PCBP3: variants seen among roughly 807,000 people sequenced by gnomAD.
PCBP3 encodes the protein poly(rC)-binding protein 3.
A neutral mutation model predicts 52.7 loss-of-function variants in PCBP3; 25 were observed. The observed-to-expected ratio is 0.47, with a 90% CI of 0.35 to 0.66. The LOEUF (loss-of-function observed/expected upper bound fraction) is 0.66. PCBP3 is among the 30% of genes least tolerant of loss of function. PCBP3 has a pLI of 0.01. For missense variants in PCBP3, 391 were observed against 490.3 expected, an observed-to-expected ratio of 0.80 and a Z score of 1.91; for synonymous variants, 162 against 183.0, an observed-to-expected ratio of 0.89 and a Z score of 0.93.
At chr21:45,861,230 A>G (rs2094499658) in intron 5 of PCBP3, among the ~76,000 whole-genome samples, 2 of 152,174 alleles carry the variant, frequency 1.3e-5, no homozygotes, top group African/African-American at 4.8e-5. Flanking sequence ...GCAGGTGAGA[A>G]GGCCACTTAC....
At position 45,928,944 on chromosome 21, in the gene PCBP3, G is replaced by T. The variant is rs891053981; in HGVS notation, c.718-973G>T. Among the ~76,000 whole-genome samples the T allele has an allele frequency of 3.3e-5, 5 of 152,284 alleles. No individual in the cohort carries two copies. In the South Asian group the frequency reaches 1.0e-3, roughly 32 times the overall value. On this transcript the variant is annotated intron_variant, in intron 13 of 17. Transcript: ENST00000681687. The surrounding 1 kb of genome is among the most constrained non-coding windows in gnomAD (Gnocchi z 4.1). Reference sequence around the variant, plus strand: ...CCTGAGCCCCAGGACACCCTCTGCAGCACCCAGCCTTGACAGCCCCACTGG... The same window carrying T: ...CCTGAGCCCCAGGACACCCTCTGCATCACCCAGCCTTGACAGCCCCACTGG...
chr21:45,645,855 G>T (rs2079215221), intron 1 of PCBP3, among the ~76,000 whole-genome samples: 1 of 152,204 alleles, frequency 6.6e-6, no homozygotes, highest in Non-Finnish European at 1.5e-5. Flanking sequence ...TATCCTCTCA[G>T]TGAAGAAGGC....
At chr21:45,898,042 C>A (rs554058078) in intron 6 of PCBP3, among the ~76,000 whole-genome samples, 14 of 152,248 alleles carry the variant, frequency 9.2e-5, no homozygotes, top group African/African-American at 3.4e-4. Flanking sequence ...GGCCTCCTCC[C>A]CAGGGGAAGG....
intron 2 of PCBP3, among the ~76,000 whole-genome samples, chr21:45,727,268 C>G (rs1325411104): frequency 6.6e-6 from 1 of 152,218 alleles, no homozygotes; most frequent in Non-Finnish European, 1.5e-5. Context: ...GTTGTTCCAG[C>G]ACCATTTCTT....
At chr21:45,745,229 C>A (rs1399392172) in intron 3 of PCBP3, among the ~76,000 whole-genome samples, 1 of 152,186 alleles carries the variant, frequency 6.6e-6, no homozygotes, top group Non-Finnish European at 1.5e-5. Context: ...CTTTTGGAAT[C>A]CTGGCTCACA....
Position 45,917,544 on chromosome 21 carries a change from G to T in PCBP3, c.676-44G>T. 1.3e-6 allele frequency: 2 copies of T among 1,567,730 alleles called. No individual in the cohort carries two copies. On this transcript the variant is annotated intron_variant, in intron 12 of 17. Coordinates refer to ENST00000681687, the MANE Select transcript of PCBP3 (RefSeq NM_001384156.1). This position sits in a 1 kb window ranked among gnomAD's most constrained non-coding sequence, Gnocchi z 5.3. ...GGGTGGCGGCGGGTGCTGAGCCGTG[G>T]TGCAGCCAGGTTGCAGTCTGACGGG...
At chr21:45,806,508 C>T (rs1018696749) in intron 4 of PCBP3, among the ~76,000 whole-genome samples, 1 of 151,638 alleles carries the variant, frequency 6.6e-6, no homozygotes, top group African/African-American at 2.4e-5. Context: ...TTTCTTATCT[C>T]GTATTTTTAC....
At chr21:45,801,781 CA>C (rs1400274015) in intron 4 of PCBP3, among the ~76,000 whole-genome samples, 1 of 152,206 alleles carries the variant, frequency 6.6e-6, no homozygotes, top group Non-Finnish European at 1.5e-5. Context: ...TAATTTGTTG[CA>C]TTAGCAAGTA....
chr21:45,937,121 C>G (rs141256264), intron 16 of PCBP3, among the ~76,000 whole-genome samples: 1 of 152,366 alleles, frequency 6.6e-6, no homozygotes, highest in East Asian at 1.9e-4. Flanking sequence ...ATAAAATGGG[C>G]GTGCTTGTTC....
At chr21:45,841,387 C>G (rs746863622) in intron 4 of PCBP3, among the ~76,000 whole-genome samples, 1 of 139,870 alleles carries the variant, frequency 7.1e-6, no homozygotes, top group Non-Finnish European at 1.5e-5. Flanking sequence ...CTTACTCTTA[C>G]ATTTCTTCTA....
intron 2 of PCBP3, among the ~76,000 whole-genome samples, chr21:45,699,983 A>G (rs1382002810): frequency 6.6e-6 from 1 of 152,156 alleles, no homozygotes; most frequent in East Asian, 1.9e-4. Flanking sequence ...CAGTTCCCCA[A>G]AGTCTTAACT....
intron 4 of PCBP3, among the ~76,000 whole-genome samples, chr21:45,768,327 C>T (rs2089550575): frequency 6.6e-6 from 1 of 152,228 alleles, no homozygotes; most frequent in South Asian, 2.1e-4. Context: ...GCGAGACTCT[C>T]ACGTCTGTTA....
At position 45,805,155 on chromosome 21, in the gene PCBP3, G is replaced by A. The variant is rs1297660683; in HGVS notation, c.-125-44806G>A. 6.6e-6 allele frequency among the ~76,000 whole-genome samples: 1 copy of A among 152,178 alleles called. No individual in the cohort carries two copies. The highest frequency in any genetic ancestry group is 1.5e-5 in the Non-Finnish European group (1 of 68,020). On this transcript the variant is annotated intron_variant, in intron 4 of 17. Coordinates refer to ENST00000681687, the MANE Select transcript of PCBP3 (RefSeq NM_001384156.1). This position sits in a 1 kb window ranked among gnomAD's most constrained non-coding sequence, Gnocchi z 4.6. ...TTGGGCCATGGCTACCACATATGGC[G>A]CTTCCTAGCCGGGCACTATGCCACA...
intron 4 of PCBP3, among the ~76,000 whole-genome samples, chr21:45,822,551 A>C (rs1394840762): frequency 6.6e-6 from 1 of 150,570 alleles, no homozygotes; most frequent in African/African-American, 2.5e-5. Context: ...TTAGGAGAGC[A>C]AGGGGTGGAC....
chr21:45,844,602 G>T (rs1239864226), intron 4 of PCBP3, among the ~76,000 whole-genome samples: 1 of 152,062 alleles, frequency 6.6e-6, no homozygotes, highest in Non-Finnish European at 1.5e-5. Context: ...CCTGCCAATG[G>T]TGCTCCCCGC....
chr21:45,784,925 G>A (rs1262641220), intron 4 of PCBP3, among the ~76,000 whole-genome samples: 9 of 149,192 alleles, frequency 6.0e-5, no homozygotes, highest in South Asian at 2.2e-4. Flanking sequence ...GCCGCCCATC[G>A]TCTGGGATGT....
intron 1 of PCBP3, among the ~76,000 whole-genome samples, chr21:45,654,983 G>T (rs555439039): frequency 6.6e-6 from 1 of 152,186 alleles, no homozygotes; most frequent in South Asian, 2.1e-4. Flanking sequence ...GGCCTTTTGT[G>T]TCTGGCTTCT....
chr21:45,899,372 T>G (rs985805534), intron 6 of PCBP3, among the ~76,000 whole-genome samples: 8 of 152,152 alleles, frequency 5.3e-5, no homozygotes, highest in Non-Finnish European at 1.2e-4. Context: ...CCTGGTCAGG[T>G]GGGCGCCAAG....
At chr21:45,780,952 T>G (rs574506742) in intron 4 of PCBP3, among the ~76,000 whole-genome samples, 4 of 152,066 alleles carry the variant, frequency 2.6e-5, no homozygotes, top group Admixed American at 2.6e-4. Context: ...GTCAGTGGGG[T>G]ACATCTGGGC....
Sources: allele counts gnomAD v4.1 joint callset (sites outside exome capture counted in the v4.1 genomes callset), GRCh38; gene constraint gnomAD v4.1.1; non-coding constraint Gnocchi (gnomAD v3.1); transcripts MANE v1.5; gene names NCBI Gene and HGNC (gene_info 2026-07-23, HGNC 2026-07-21).